Variants in PRDM11 observed in about 807,000 individuals in gnomAD.
PRDM11 encodes the protein PR domain-containing protein 11.
In PRDM11, 20 loss-of-function variants were observed where a neutral mutation model predicts 97.8. The observed-to-expected ratio is 0.20, with a 90% CI of 0.14 to 0.30. The LOEUF (loss-of-function observed/expected upper bound fraction) is 0.30. PRDM11 is among the 10% of genes least tolerant of loss of function. The probability of loss-of-function intolerance (pLI) is 1.00; values close to 1 mark genes in which losing one functional copy is unlikely to be tolerated. For missense variants in PRDM11, 1,139 were observed against 1,555.2 expected (o/e 0.73, Z 4.50); for synonymous variants, 599 against 637.7 (o/e 0.94, Z 0.91).
intron 1 of PRDM11, among the ~76,000 whole-genome samples, chr11:45,098,312 C>A (rs1357766076): frequency 6.6e-6 from 1 of 152,230 alleles, no homozygotes; most frequent in Non-Finnish European, 1.5e-5. Context: ...GCCTTGACAT[C>A]CATTCCTGCA....
intron 1 of PRDM11, among the ~76,000 whole-genome samples, chr11:45,122,922 C>A (rs1380384838): frequency 6.6e-6 from 1 of 151,712 alleles, no homozygotes; most frequent in Non-Finnish European, 1.5e-5. Context: ...GCCACACTGA[C>A]TTTCACAATG....
intron 4 of PRDM11, among the ~76,000 whole-genome samples, chr11:45,198,488 A>T (rs1853211262): frequency 6.6e-6 from 1 of 152,228 alleles, no homozygotes; most frequent in Non-Finnish European, 1.5e-5. Flanking sequence ...TTGCTCTATG[A>T]AGAAATGCAG....
At chr11:45,135,069 C>T (rs1852811149) in intron 1 of PRDM11, among the ~76,000 whole-genome samples, 1 of 151,778 alleles carries the variant, frequency 6.6e-6, no homozygotes, top group Non-Finnish European at 1.5e-5. Flanking sequence ...TAGTTTGAGC[C>T]CAGCCTGGGC....
chr11:45,213,595 G>A (rs747876308), intron 5 of PRDM11: 27 of 456,446 alleles, frequency 5.9e-5, no homozygotes, highest in Non-Finnish European at 1.1e-4. Context: ...TTTTTGGAGT[G>A]GGGAGAAGAA....
intron 5 of PRDM11, chr11:45,212,764 GGAGCTGGTGACCGTGCACCGGGA>G (rs1565332530): frequency 2.2e-6 from 1 of 456,432 alleles, no homozygotes; most frequent in Non-Finnish European, 4.4e-6. Flanking sequence ...AGTTCTGCCA[GGAGCTGGTGACCGTGCACCGGGA>G]CATGGCCAAC....
rs771662575 is a variant in PRDM11 at position 45,224,235 on chromosome 11, G to A, written c.761G>A (p.Arg254Lys). Residue 254 changes from arginine (R) to lysine (K), a missense_variant, in exon 7 of 8, where the codon AGG (arginine) becomes AAG (lysine). Transcript: ENST00000683152. ...NLARGEKRLQREKSEQVLDNP... is the reference protein window; with the variant it reads ...NLARGEKRLQKEKSEQVLDNP... ...TTCCTAGGAGAGAAGAGGTTGCAGA[G>A]GGAGAAGTCTGAGCAGGTTCTGGAT... The A allele has an allele frequency of 5.0e-6, 8 of 1,594,342 alleles. No homozygotes were observed. The highest frequency in any genetic ancestry group is 5.1e-6 in the Non-Finnish European group (6 of 1,171,844).
At chr11:45,096,799 A>T (rs1202530035) in intron 1 of PRDM11, among the ~76,000 whole-genome samples, 1 of 152,202 alleles carries the variant, frequency 6.6e-6, no homozygotes, top group Non-Finnish European at 1.5e-5. Context: ...TCTACTCTGA[A>T]ATGTGAGGAC....
chr11:45,202,861 GATT>G (rs1306253788), intron 4 of PRDM11, among the ~76,000 whole-genome samples: 3 of 152,268 alleles, frequency 2.0e-5, no homozygotes, highest in Admixed American at 1.3e-4. Context: ...AATATTTCAT[GATT>G]ATTGTTATTT....
chr11:45,095,405 C>T (rs1287739807), upstream of PRDM11, among the ~76,000 whole-genome samples: 1 of 152,194 alleles, frequency 6.6e-6, no homozygotes, highest in Non-Finnish European at 1.5e-5. Flanking sequence ...GCTATCTGCT[C>T]ATCATGTTGG....
chr11:45,123,139 T>C (rs1852479437), intron 1 of PRDM11, among the ~76,000 whole-genome samples: 1 of 152,208 alleles, frequency 6.6e-6, no homozygotes, highest in African/African-American at 2.4e-5. Flanking sequence ...CATACATGTC[T>C]TCTTTTGAGA....
rs965701883 is a variant in PRDM11, at chr11:45,219,421, G to C, written c.555-149G>C. ...GGGTTCTGGCTGGTGCTGCTTCTCC[G>C]GACAGGGCAGCTGCTCTGCTGATGT... On this transcript the variant is annotated intron_variant, in intron 5 of 7. Coordinates refer to ENST00000683152, the MANE Select transcript of PRDM11 (RefSeq NM_001384648.1). This position sits in a 1 kb window ranked among gnomAD's most constrained non-coding sequence, Gnocchi z 4.2. 1.4e-6 allele frequency: 1 copy of C among 738,192 alleles called. No homozygotes were observed. Among genetic ancestry groups the C allele is most frequent in the African/African-American group, 1.8e-5 (1 of 56,718 alleles). 45.7% of individuals were successfully genotyped at this position (738,192 alleles called of 1,614,324 possible). A position where few individuals can be genotyped will look rare whatever the true frequency, so the allele number is the denominator to read the frequency against.
intron 1 of PRDM11, among the ~76,000 whole-genome samples, chr11:45,171,489 A>C (rs546840439): frequency 5.1e-4 from 77 of 152,276 alleles, no homozygotes; most frequent in Middle Eastern, 3.4e-3. Flanking sequence ...CTTTGGAGAG[A>C]ATGCCCAGGA....
intron 1 of PRDM11, among the ~76,000 whole-genome samples, chr11:45,147,107 T>TGCC (rs1234090371): frequency 6.8e-6 from 1 of 147,380 alleles, no homozygotes; most frequent in African/African-American, 2.5e-5. Flanking sequence ...GGCAGGTAGC[T>TGCC]GCCGCCGCCG....
chr11:45,185,978 G>A (rs116237691), intron 4 of PRDM11, among the ~76,000 whole-genome samples: 2,093 of 151,940 alleles, frequency 0.014, 41 homozygotes, highest in African/African-American at 0.048. Context: ...GCTGGCCTTC[G>A]AGATAGAGTA....
At chr11:45,165,256 A>C (rs929444521) in intron 1 of PRDM11, among the ~76,000 whole-genome samples, 1 of 152,012 alleles carries the variant, frequency 6.6e-6, no homozygotes, top group Non-Finnish European at 1.5e-5. Flanking sequence ...GAGTGGATTT[A>C]CAGGGCTGCT....
At chr11:45,119,265 T>TA (rs1427558451) in intron 1 of PRDM11, among the ~76,000 whole-genome samples, 1 of 151,888 alleles carries the variant, frequency 6.6e-6, no homozygotes, top group Non-Finnish European at 1.5e-5. Flanking sequence ...CTTGTGAGAG[T>TA]AGGCAAATGA....
chr11:45,097,130 C>T (rs1247359620), intron 1 of PRDM11, among the ~76,000 whole-genome samples: 4 of 152,316 alleles, frequency 2.6e-5, no homozygotes, highest in East Asian at 1.9e-4. Context: ...TACCTTCATC[C>T]TGTATGCAGC....
intron 1 of PRDM11, among the ~76,000 whole-genome samples, chr11:45,163,991 G>A (rs909149003): frequency 6.6e-6 from 1 of 152,170 alleles, no homozygotes; most frequent in Non-Finnish European, 1.5e-5. Flanking sequence ...CAGGGAAGGC[G>A]CAGCTCACGG....
intron 1 of PRDM11, among the ~76,000 whole-genome samples, chr11:45,127,203 C>T (rs1852594372): frequency 1.3e-5 from 2 of 152,206 alleles, no homozygotes; most frequent in South Asian, 4.1e-4. Context: ...CCTTTAAGCA[C>T]TTCTCTGCAT....
Sources: allele counts gnomAD v4.1 joint callset (sites outside exome capture counted in the v4.1 genomes callset), GRCh38; gene constraint gnomAD v4.1.1; non-coding constraint Gnocchi (gnomAD v3.1); transcripts MANE v1.5; gene names NCBI Gene and HGNC (gene_info 2026-07-23, HGNC 2026-07-21).